Variants in SATB2 observed in about 807,000 individuals in gnomAD.
SATB2 encodes the protein DNA-binding protein SATB2.
Under a neutral mutation model 73.4 loss-of-function variants are expected in SATB2, and 1 was observed. That is an observed-to-expected ratio of 0.01 (90% CI 0.00 to 0.06). The LOEUF is 0.06. SATB2 is among the 10% of genes least tolerant of loss of function. SATB2 has a pLI of 1.00. For missense variants in SATB2, 459 were observed against 945.8 expected (o/e 0.49, Z 6.75); for synonymous variants, 397 against 367.0 (o/e 1.08, Z -0.93).
At chr2:199,321,378 TAGAC>T (rs1449665087) in intron 9 of SATB2, among the ~76,000 whole-genome samples, 3 of 137,128 alleles carry the variant, frequency 2.2e-5, no homozygotes, top group Non-Finnish European at 4.6e-5. Flanking sequence ...TGTCTATACA[TAGAC>T]ATATATATGT....
intron 5 of SATB2, among the ~76,000 whole-genome samples, chr2:199,371,155 A>G (rs1470273588): frequency 2.0e-5 from 3 of 152,158 alleles, no homozygotes; most frequent in African/African-American, 4.8e-5. Context: ...ACATAAAAAT[A>G]TCTTGGGAAT....
intron 5 of SATB2, among the ~76,000 whole-genome samples, chr2:199,371,938 G>C (rs1005938722): frequency 6.6e-6 from 1 of 152,150 alleles, no homozygotes; most frequent in South Asian, 2.1e-4. Context: ...CGCTTTGCAT[G>C]GTGGTGGGCT....
chr2:199,418,991 A>G (rs1022158790), intron 3 of SATB2, among the ~76,000 whole-genome samples: 5 of 152,152 alleles, frequency 3.3e-5, no homozygotes, highest in Non-Finnish European at 2.9e-5. Context: ...AGCAAAACCA[A>G]CACGATACAG....
At position 199,399,530 on chromosome 2, in the gene SATB2, T is replaced by G. The variant is rs182115605; in HGVS notation, c.347-17710A>C. On this transcript the variant is annotated intron_variant, in intron 3 of 10. Transcript: ENST00000417098. ...TATATGTATTAGTCTGTCCTCACAT[T>G]GCTACAAAGAAATACCTGAGACTGG... is the stretch of plus-strand genomic sequence containing the variant. Among the ~76,000 whole-genome samples, 35 of 152,312 alleles carry G rather than the reference T, an allele frequency of 2.3e-4. 1 individual carries two copies. Among genetic ancestry groups the G allele is most frequent in the African/African-American group, 7.9e-4 (33 of 41,568 alleles).
intron 10 of SATB2, among the ~76,000 whole-genome samples, chr2:199,293,924 A>G (rs1692948050): frequency 6.6e-6 from 1 of 152,060 alleles, no homozygotes; most frequent in Non-Finnish European, 1.5e-5. Flanking sequence ...CTCAGCATCT[A>G]TTTCCTTTCA....
chr2:199,310,225 G>A (rs1226128398), intron 9 of SATB2, among the ~76,000 whole-genome samples: 2 of 152,112 alleles, frequency 1.3e-5, no homozygotes, highest in Admixed American at 6.6e-5. Flanking sequence ...AAGCCACCAG[G>A]GATTTATAAA....
chr2:199,314,494 T>C (rs1041569664), intron 9 of SATB2, among the ~76,000 whole-genome samples: 2 of 152,154 alleles, frequency 1.3e-5, no homozygotes, highest in African/African-American at 4.8e-5. Context: ...AGGACATTGA[T>C]TCTGTTAACA....
chr2:199,289,383 G>A (rs535299401), intron 10 of SATB2, among the ~76,000 whole-genome samples: 1 of 152,176 alleles, frequency 6.6e-6, no homozygotes, highest in East Asian at 1.9e-4. Flanking sequence ...ATTCCCTGGG[G>A]CAAAGTAACT....
At chr2:199,459,431 G>A (rs1210670989), upstream of SATB2, among the ~76,000 whole-genome samples, 1 of 152,168 alleles carries the variant, frequency 6.6e-6, no homozygotes, top group Non-Finnish European at 1.5e-5. This position sits in a 1 kb window ranked among gnomAD's most constrained non-coding sequence, Gnocchi z 4.2. Context: ...CTGCGATTCC[G>A]CTTGGGCGCG....
chr2:199,448,976 T>C (rs990708820), intron 2 of SATB2, among the ~76,000 whole-genome samples: 2 of 152,212 alleles, frequency 1.3e-5, no homozygotes, highest in Non-Finnish European at 2.9e-5. Flanking sequence ...TTTCCTGTCC[T>C]ATGTGTCATA....
chr2:199,353,759 T>C (rs563812392), intron 6 of SATB2, among the ~76,000 whole-genome samples: 2 of 152,286 alleles, frequency 1.3e-5, no homozygotes, highest in South Asian at 4.1e-4. Flanking sequence ...TTAAAATAAT[T>C]TGAAAGTAAT....
chr2:199,350,524 T>C (rs919120753), intron 6 of SATB2, among the ~76,000 whole-genome samples: 1 of 152,138 alleles, frequency 6.6e-6, no homozygotes, highest in Non-Finnish European at 1.5e-5. Flanking sequence ...TATTTCTAAA[T>C]TAATACTTCA....
chr2:199,328,245 G>A (rs146463073), intron 8 of SATB2, among the ~76,000 whole-genome samples: 111 of 152,236 alleles, frequency 7.3e-4, no homozygotes, highest in Non-Finnish European at 1.4e-3. Flanking sequence ...AGCGGATTAA[G>A]AAATCATAGA....
At chr2:199,343,252 A>G (rs1319483517) in intron 7 of SATB2, among the ~76,000 whole-genome samples, 2 of 152,228 alleles carry the variant, frequency 1.3e-5, no homozygotes, top group African/African-American at 4.8e-5. Flanking sequence ...GCACAAATCC[A>G]GGAACACAAA....
At chr2:199,364,713 G>A (rs1447895755) in intron 6 of SATB2, among the ~76,000 whole-genome samples, 2 of 151,980 alleles carry the variant, frequency 1.3e-5, no homozygotes, top group Non-Finnish European at 2.9e-5. Context: ...CAATTCTTGA[G>A]GCATATTAAA....
intron 3 of SATB2, among the ~76,000 whole-genome samples, chr2:199,417,166 T>A (rs1462659223): frequency 6.6e-6 from 1 of 151,898 alleles, no homozygotes; most frequent in Non-Finnish European, 1.5e-5. Context: ...TTTTTTTTTT[T>A]AAGCCATGAT....
intron 10 of SATB2, among the ~76,000 whole-genome samples, chr2:199,278,496 G>T (rs746349936): frequency 1.3e-5 from 2 of 152,172 alleles, no homozygotes; most frequent in Non-Finnish European, 2.9e-5. Context: ...ATAGTACCAT[G>T]CTCCAGCAAA....
At chr2:199,287,182 TTCA>T (rs1162609212) in intron 10 of SATB2, among the ~76,000 whole-genome samples, 1 of 152,186 alleles carries the variant, frequency 6.6e-6, no homozygotes, top group East Asian at 1.9e-4. Context: ...TGAAAATAAC[TTCA>T]TCAATGCCAG....
chr2:199,395,104 C>T (rs1002149301), intron 3 of SATB2, among the ~76,000 whole-genome samples: 14 of 150,662 alleles, frequency 9.3e-5, no homozygotes, highest in East Asian at 1.9e-4. Flanking sequence ...TTTTTTGAGA[C>T]GGAGTCTCAC....
Sources: allele counts gnomAD v4.1 joint callset (sites outside exome capture counted in the v4.1 genomes callset), GRCh38; gene constraint gnomAD v4.1.1; non-coding constraint Gnocchi (gnomAD v3.1); transcripts MANE v1.5; gene names NCBI Gene and HGNC (gene_info 2026-07-23, HGNC 2026-07-21).